BBS9: variants seen among roughly 807,000 people sequenced by gnomAD.
BBS9 encodes the protein Bardet-Biedl syndrome 9.
A neutral mutation model predicts 117.7 loss-of-function variants in BBS9; 89 were observed. The observed-to-expected ratio is 0.76, with a 90% confidence interval of 0.64 to 0.90. The LOEUF is 0.90. BBS9 is among the 40% of genes least tolerant of loss of function. The probability of loss-of-function intolerance (pLI) is 0.00; values close to 1 mark genes in which losing one functional copy is unlikely to be tolerated. For synonymous variants in BBS9, 379 were observed against 370.9 expected (o/e 1.02, Z -0.25); for missense variants, 982 against 1,042.2 (o/e 0.94, Z 0.80).
At chr7:33,234,771 A>G (rs899794563) in intron 5 of BBS9, among the ~76,000 whole-genome samples, 12 of 152,004 alleles carry the variant, frequency 7.9e-5, no homozygotes, top group African/African-American at 2.9e-4. Context: ...GAATATTTGA[A>G]TATATACAGA....
chr7:33,204,769 G>C (rs6979640), intron 5 of BBS9, among the ~76,000 whole-genome samples: 45,453 of 151,966 alleles, frequency 0.3, 7,320 homozygotes, highest in Admixed American at 0.43. Flanking sequence ...AGGAAAAGAG[G>C]TGTATTGGGA....
chr7:33,565,874 A>ATAAATAAATT lies in BBS9; in HGVS notation c.2521+31699_2521+31708dup, dbSNP rs1350147868. Among the ~76,000 whole-genome samples, 2 of 137,484 alleles carry ATAAATAAATT rather than the reference A, an allele frequency of 1.5e-5. 1 individual carries two copies. Among genetic ancestry groups the ATAAATAAATT allele is most frequent in the African/African-American group, 5.3e-5 (2 of 37,954 alleles). 90.2% of individuals were successfully genotyped at this position (137,484 alleles called of 152,430 possible). A position where few individuals can be genotyped will look rare whatever the true frequency, so the allele number is the denominator to read the frequency against. ...TATATATATATATATATATATAGCT[A>ATAAATAAATT]TAAATAAATTAGGATACCTCTTAGA... On this transcript the variant is annotated intron_variant, in intron 21 of 22. Coordinates refer to ENST00000242067, the MANE Select transcript of BBS9 (RefSeq NM_198428.3).
chr7:33,498,967 A>C (rs1355733468), intron 19 of BBS9, among the ~76,000 whole-genome samples: 1 of 152,190 alleles, frequency 6.6e-6, no homozygotes, highest in Non-Finnish European at 1.5e-5. Context: ...GTACTGTATT[A>C]CATTTCCATC....
intron 5 of BBS9, among the ~76,000 whole-genome samples, chr7:33,204,243 A>G (rs1786473176): frequency 1.1e-5 from 1 of 94,204 alleles, no homozygotes. Context: ...CGTCTCTACA[A>G]AAATACAAAA....
chr7:33,225,695 G>T (rs958351491), intron 5 of BBS9, among the ~76,000 whole-genome samples: 2 of 128,134 alleles, frequency 1.6e-5, no homozygotes, highest in Non-Finnish European at 3.2e-5. Flanking sequence ...TAAGGAGCTT[G>T]GTTCTTTTTT....
chr7:33,327,764 G>A (rs2128600840), intron 9 of BBS9, among the ~76,000 whole-genome samples: 1 of 152,228 alleles, frequency 6.6e-6, no homozygotes, highest in East Asian at 1.9e-4. Flanking sequence ...GAAGTGGTTG[G>A]ATTCTGGACA....
In BBS9 at chr7:33,616,491, G is replaced by GTATATATATATATATATATATATA. The variant is rs1255562311; in HGVS notation, c.2522-18685_2522-18684insATATATATATATATATATATATAT. On this transcript the variant is annotated intron_variant, in intron 21 of 21. Coordinates refer to the BBS9 transcript ENST00000671952. ...CTTTATATAATATATGTGTGTGTGT[G>GTATATATATATATATATATATATA]TGTATATATATATATATATATATAT... 2.7e-4 allele frequency among the ~76,000 whole-genome samples: 38 copies of GTATATATATATATATATATATATA among 138,728 alleles called. No individual in the cohort carries two copies. The East Asian group carries it at 3.5e-3, about 13-fold the overall frequency. 91.0% of individuals were successfully genotyped at this position (138,728 alleles called of 152,430 possible).
At chr7:33,576,685 C>T (rs1858946155) in intron 21 of BBS9, among the ~76,000 whole-genome samples, 1 of 152,206 alleles carries the variant, frequency 6.6e-6, no homozygotes, top group Non-Finnish European at 1.5e-5. Flanking sequence ...ACCAAAACAG[C>T]ATGATACTGG....
At chr7:33,429,624 TG>T (rs942590616) in intron 19 of BBS9, among the ~76,000 whole-genome samples, 11 of 152,234 alleles carry the variant, frequency 7.2e-5, no homozygotes, top group Admixed American at 6.5e-4. Context: ...CATTATAAAA[TG>T]GGGTTAATAA....
chr7:33,341,946 GATCTGTGTAGAA>G (rs1316488843), intron 11 of BBS9, among the ~76,000 whole-genome samples: 1 of 152,078 alleles, frequency 6.6e-6, no homozygotes, highest in African/African-American at 2.4e-5. Flanking sequence ...TGTAGAAATT[GATCTGTGTAGAA>G]ATCTGTGTAG....
chr7:33,409,184 T>G (rs1236652708), intron 19 of BBS9, among the ~76,000 whole-genome samples: 1 of 152,210 alleles, frequency 6.6e-6, no homozygotes, highest in Non-Finnish European at 1.5e-5. Context: ...CCCATTTTTG[T>G]TTTTGTTGCA....
chr7:33,445,756 C>A (rs910849376), intron 19 of BBS9, among the ~76,000 whole-genome samples: 1 of 152,110 alleles, frequency 6.6e-6, no homozygotes, highest in Non-Finnish European at 1.5e-5. Flanking sequence ...GGGCAGTTCC[C>A]CCATGCTGTT....
At chr7:33,548,684 A>T (rs1451293860) in intron 21 of BBS9, among the ~76,000 whole-genome samples, 1 of 151,738 alleles carries the variant, frequency 6.6e-6, no homozygotes, top group African/African-American at 2.4e-5. Context: ...CAATTGCTTC[A>T]AAGAGAATAA....
In BBS9 at chr7:33,596,299, C is replaced by CACACACACAT. The variant is rs1491153351; in HGVS notation, c.2522-8566_2522-8565insACACACACAT. Reference sequence around the variant, plus strand: ...ACACACACACACACACACACACACACTTATATATGTGTGTGTGACTATTGA... The same window carrying CACACACACAT: ...ACACACACACACACACACACACACACACACACACATTTATATATGTGTGTGTGACTATTGA... On this transcript the variant is annotated intron_variant, in intron 21 of 22. Transcript: ENST00000242067. Among the ~76,000 whole-genome samples the CACACACACAT allele has an allele frequency of 5.4e-3, 776 of 143,492 alleles. 13 individuals carry two copies. The highest frequency in any genetic ancestry group is 0.013 in the African/African-American group (493 of 38,088). The allele number at this position is 143,492 out of a possible 152,430, so 94.1% of individuals were successfully genotyped here.
In BBS9 at chr7:33,344,603, G is replaced by T. The variant is rs750267054; in HGVS notation, c.1298G>T (p.Gly433Val). 6.2e-7 allele frequency: 1 copy of T among 1,613,912 alleles called. No homozygotes were observed. The highest frequency in any genetic ancestry group is 1.3e-5 in the African/African-American group (1 of 74,908). ...CAGCAAGCGACCGATGTTGAGGTGGGAACTGACCTTGTCCCTTCTGTCACG... is the reference window on the plus strand; with the variant it reads ...CAGCAAGCGACCGATGTTGAGGTGGTAACTGACCTTGTCCCTTCTGTCACG... Reference protein sequence around the residue: ...SVSQATDVEVGTDLVPSVTVK... With the variant: ...SVSQATDVEVVTDLVPSVTVK... The change falls in exon 12 of 23, where the codon GGA becomes GTA. Residue 433 changes from glycine to valine, a missense_variant. By Grantham distance (109) the Gly-to-Val change is moderately radical. Transcript: ENST00000242067.
intron 20 of BBS9, among the ~76,000 whole-genome samples, chr7:33,531,330 G>T (rs1021775143): frequency 6.6e-6 from 1 of 152,170 alleles, no homozygotes; most frequent in Non-Finnish European, 1.5e-5. Flanking sequence ...TGGGGCTTAG[G>T]TGTCAGTGCA....
At chr7:33,200,612 T>C (rs1785679867) in intron 5 of BBS9, among the ~76,000 whole-genome samples, 1 of 152,138 alleles carries the variant, frequency 6.6e-6, no homozygotes, top group African/African-American at 2.4e-5. Flanking sequence ...TTCCTGAAGG[T>C]TTTCCTGGCT....
chr7:33,227,945 C>T (rs911002663), intron 5 of BBS9, among the ~76,000 whole-genome samples: 5 of 152,084 alleles, frequency 3.3e-5, no homozygotes, highest in Admixed American at 3.3e-4. Flanking sequence ...CATGTGTGCA[C>T]ATGTGTCTTT....
chr7:33,396,723 TG>T (rs1229346574), intron 19 of BBS9, among the ~76,000 whole-genome samples: 2 of 152,258 alleles, frequency 1.3e-5, no homozygotes, highest in Non-Finnish European at 2.9e-5. Context: ...AGAACAAAGC[TG>T]GAGGCATCAC....
Sources: gnomAD v4.1 joint callset for allele counts (sites outside exome capture counted in the v4.1 genomes callset) on GRCh38, gnomAD v4.1.1 for gene constraint, MANE v1.5 for transcripts, NCBI Gene and HGNC (gene_info 2026-07-23, HGNC 2026-07-21) for gene names.